The following ACTR3C variants were observed in gnomAD, a reference collection of about 807,000 sequenced individuals.
The protein encoded by ACTR3C is actin-related protein 3C.
ACTR3C carries 18 observed loss-of-function variants against 26.3 expected under a neutral mutation model. The ratio of observed to expected loss-of-function variants is 0.68; its 90% CI spans 0.47 to 1.01. The LOEUF (loss-of-function observed/expected upper bound fraction) is 1.01. Among genes scored for constraint, ACTR3C ranks in the 50% least tolerant of loss-of-function variants. ACTR3C has a pLI of 0.00. For missense variants in ACTR3C, 184 were observed against 250.7 expected (o/e 0.73, Z 1.80); for synonymous variants, 55 against 94.5 (o/e 0.58, Z 2.42).
the ACTR3C span, among the ~76,000 whole-genome samples, chr7:149,994,736 C>T: frequency 5.3e-5 from 8 of 152,050 alleles, no homozygotes; most frequent in African/African-American, 7.2e-5. Context: ...GGTCCAAGTG[C>T]CTAGAAAATC....
chr7:150,184,097 G>T, the ACTR3C span, among the ~76,000 whole-genome samples: 4 of 150,606 alleles, frequency 2.7e-5, no homozygotes, highest in African/African-American at 1.0e-4. Flanking sequence ...TCATAGCAGC[G>T]TGAGAACAGA....
the ACTR3C span, among the ~76,000 whole-genome samples, chr7:150,012,345 C>T: frequency 2.1e-5 from 2 of 94,246 alleles, no homozygotes; most frequent in South Asian, 3.4e-4. Context: ...GACGGAGTCT[C>T]GCTCTGTCGC....
At chr7:150,271,461 T>C (rs1361389728) in intron 6 of ACTR3C, among the ~76,000 whole-genome samples, 1 of 151,334 alleles carries the variant, frequency 6.6e-6, no homozygotes, top group African/African-American at 2.5e-5. Context: ...CTGTGATAGT[T>C]TGCTGAGAAT....
the ACTR3C span, among the ~76,000 whole-genome samples, chr7:150,013,382 G>A: frequency 6.6e-6 from 1 of 152,134 alleles, no homozygotes; most frequent in Non-Finnish European, 1.5e-5. Context: ...CTCAATTCTA[G>A]CCCCCAAGGT....
At chr7:150,198,717 T>C in the ACTR3C span, among the ~76,000 whole-genome samples, 2 of 130,596 alleles carry the variant, frequency 1.5e-5, no homozygotes, top group Non-Finnish European at 3.3e-5. Flanking sequence ...GTGAGGAGCG[T>C]CTCCGCCCGG....
chr7:150,292,188 T>C (rs2129613069), intron 3 of ACTR3C, among the ~76,000 whole-genome samples: 1 of 151,610 alleles, frequency 6.6e-6, no homozygotes, highest in South Asian at 2.1e-4. Flanking sequence ...CACCCCCCCA[T>C]ATACATATGC....
At chr7:150,317,897 C>T (rs59572505) in intron 1 of ACTR3C, among the ~76,000 whole-genome samples, 40,768 of 151,296 alleles carry the variant, frequency 0.27, 5,639 homozygotes, top group East Asian at 0.42. Context: ...TTGGGTTTAT[C>T]GGCTCCTTGC....
chr7:149,976,155 C>A, the ACTR3C span, among the ~76,000 whole-genome samples: 12 of 152,132 alleles, frequency 7.9e-5, no homozygotes, highest in Non-Finnish European at 2.9e-5. Flanking sequence ...AAGCTATTTT[C>A]TAAGGAGCAA....
the ACTR3C span, chr7:150,002,767 A>C: frequency 6.6e-6 from 1 of 152,170 alleles, no homozygotes; most frequent in Admixed American, 6.5e-5. Context: ...CTTACCCCAG[A>C]GCCTCCCTTT....
At chr7:150,088,052 T>C in the ACTR3C span, among the ~76,000 whole-genome samples, 2 of 152,256 alleles carry the variant, frequency 1.3e-5, no homozygotes, top group African/African-American at 4.8e-5. Flanking sequence ...TATTGAATTA[T>C]ATAGCATTCT....
At chr7:149,900,216 C>G in the ACTR3C span, among the ~76,000 whole-genome samples, 1 of 151,876 alleles carries the variant, frequency 6.6e-6, no homozygotes, top group Non-Finnish European at 1.5e-5. Flanking sequence ...CGCTCTGTCA[C>G]CCAGGCTGGA....
the ACTR3C span, among the ~76,000 whole-genome samples, chr7:150,020,652 G>T: frequency 2.6e-5 from 4 of 151,718 alleles, no homozygotes; most frequent in African/African-American, 9.7e-5. Context: ...ACCTTGGTAC[G>T]CATCCTGTAT....
the ACTR3C span, among the ~76,000 whole-genome samples, chr7:150,198,737 C>T: frequency 3.4e-5 from 5 of 147,014 alleles, no homozygotes; most frequent in Admixed American, 1.3e-4. Flanking sequence ...GCAGCCACCC[C>T]GTCCGGGAGG....
At chr7:150,259,902 T>C (rs1373850305) in intron 6 of ACTR3C, among the ~76,000 whole-genome samples, 1 of 152,180 alleles carries the variant, frequency 6.6e-6, no homozygotes, top group Non-Finnish European at 1.5e-5. Flanking sequence ...CCCCATAGAA[T>C]TAGTATGTTC....
At chr7:150,243,204 T>C (rs979418980), downstream of ACTR3C, among the ~76,000 whole-genome samples, 2 of 152,168 alleles carry the variant, frequency 1.3e-5, no homozygotes, top group African/African-American at 4.8e-5. Flanking sequence ...TATTGTGAAT[T>C]GATTGCACTA....
the ACTR3C span, among the ~76,000 whole-genome samples, chr7:149,890,089 C>A: frequency 2.6e-5 from 4 of 152,080 alleles, no homozygotes; most frequent in Admixed American, 6.6e-5. Flanking sequence ...CCTTATAGTT[C>A]AAATATTTCT....
rs900290159 is a variant in ACTR3C, at chr7:150,256,038, T to C, written c.565-6984A>G. Among the ~76,000 whole-genome samples the C allele has an allele frequency of 4.6e-5, 7 of 152,194 alleles. No homozygotes were observed. In the East Asian group the frequency reaches 5.8e-4, roughly 13 times the overall value. Reference sequence around the variant, plus strand: ...CAATGTAGAGATACATGAGAGTCAATTGGTTATCACTAAGTTGTTTTAAGA... The same window carrying C: ...CAATGTAGAGATACATGAGAGTCAACTGGTTATCACTAAGTTGTTTTAAGA... On this transcript the variant is annotated intron_variant, in intron 6 of 7. Transcript: ENST00000683684.
At chr7:149,909,194 G>T in the ACTR3C span, among the ~76,000 whole-genome samples, 32 of 150,320 alleles carry the variant, frequency 2.1e-4, no homozygotes, top group Non-Finnish European at 4.1e-4. Flanking sequence ...ATTCTCTACC[G>T]ATTAAAACTT....
the ACTR3C span, among the ~76,000 whole-genome samples, chr7:149,996,729 C>G: frequency 6.8e-6 from 1 of 146,702 alleles, no homozygotes. Context: ...CTTTACAAAC[C>G]AAACATAACC....
Sources: allele counts gnomAD v4.1 joint callset (sites outside exome capture counted in the v4.1 genomes callset), GRCh38; gene constraint gnomAD v4.1.1; transcripts MANE v1.5; gene names NCBI Gene and HGNC (gene_info 2026-07-23, HGNC 2026-07-21).